The following ADA variants were observed in gnomAD, a reference collection of about 807,000 sequenced individuals.
The protein encoded by ADA is adenosine aminohydrolase.
A neutral mutation model predicts 49.0 loss-of-function variants in ADA; 45 were observed. The ratio of observed to expected loss-of-function variants is 0.92; its 90% CI spans 0.72 to 1.18. The LOEUF (loss-of-function observed/expected upper bound fraction) is 1.18, where lower values mean the gene tolerates loss of function less well. Among genes scored for constraint, ADA ranks in the 50% most tolerant of loss-of-function variants. The pLI is 0.00. For missense variants in ADA, 445 were observed against 472.5 expected, an observed-to-expected ratio of 0.94 and a Z score of 0.54; for synonymous variants, 173 against 184.2, an observed-to-expected ratio of 0.94 and a Z score of 0.49.
At chr20:44,634,358 A>G (rs974367627) in intron 2 of ADA, among the ~76,000 whole-genome samples, 1 of 152,212 alleles carries the variant, frequency 6.6e-6, no homozygotes, top group Non-Finnish European at 1.5e-5. Flanking sequence ...GGAGCACATT[A>G]ATGTGTGCTA....
At position 44,626,444 on chromosome 20, in the gene ADA, C is replaced by T. The variant is rs1192108000; in HGVS notation, c.362+12G>A. On this transcript the variant is annotated intron_variant, in intron 4 of 11. Transcript: ENST00000372874. Reference sequence around the variant, plus strand: ...CACCCTCAGCATGGCCCCTTCCAGGCCCATCACTCACTCAGCCTGGTTCCA... The same window carrying T: ...CACCCTCAGCATGGCCCCTTCCAGGTCCATCACTCACTCAGCCTGGTTCCA... 2 of 1,613,384 alleles carry T rather than the reference C, an allele frequency of 1.2e-6. No homozygotes were observed. Among genetic ancestry groups the T allele is most frequent in the Admixed American group, 3.3e-5 (2 of 60,004 alleles).
At chr20:44,645,670 T>C (rs941168103) in intron 1 of ADA, among the ~76,000 whole-genome samples, 1 of 152,192 alleles carries the variant, frequency 6.6e-6, no homozygotes, top group African/African-American at 2.4e-5. Flanking sequence ...TGCTGACCAA[T>C]GGCAGCTATT....
intron 6 of ADA, 91 bp downstream of exon 6, chr20:44,624,111 A>G (rs2065359320): frequency 1.3e-6 from 2 of 1,518,156 alleles, no homozygotes; most frequent in South Asian, 1.2e-5. Context: ...AGGAGACACC[A>G]TGGTCCCTGG....
Position 44,626,531 on chromosome 20 carries a change from A to C in ADA, c.287T>G (p.Val96Gly). ...FVEMKAKEGV[V>G]YVEVRYSPHL... is the part of the protein sequence containing the mutation. ...CGGACTGTACCGCACCTCCACATAC[A>C]CCACGCCCTCTTTGGCCTTCATCTC... Residue 96 changes from valine to glycine, a missense_variant, in exon 4 of 12, where the codon GTG becomes GGG. Coordinates refer to ENST00000372874, the MANE Select transcript of ADA (RefSeq NM_000022.4). 6.2e-7 allele frequency: 1 copy of C among 1,614,022 alleles called. No homozygotes were observed. The highest frequency in any genetic ancestry group is 8.5e-7 in the Non-Finnish European group (1 of 1,179,994).
chr20:44,650,412 ATTTCT>A (rs997263274), intron 1 of ADA, among the ~76,000 whole-genome samples: 2 of 150,960 alleles, frequency 1.3e-5, no homozygotes, highest in South Asian at 2.1e-4. Flanking sequence ...ATTCACACCT[ATTTCT>A]TTTCTTTTCT....
At position 44,650,336 on chromosome 20, in the gene ADA, C is replaced by T. The variant is rs550266744; in HGVS notation, c.33+1239G>A. On this transcript the variant is annotated intron_variant, in intron 1 of 11. Coordinates refer to ENST00000372874, the MANE Select transcript of ADA (RefSeq NM_000022.4). ...GGTAGGTGGGCTCTCCACAGCCTGTCTCCCTCACTGACACATGCACACTCA... is the reference window on the plus strand; with the variant it reads ...GGTAGGTGGGCTCTCCACAGCCTGTTTCCCTCACTGACACATGCACACTCA... 1.6e-4 allele frequency among the ~76,000 whole-genome samples: 24 copies of T among 152,366 alleles called. No individual in the cohort carries two copies. The South Asian group carries it at 4.8e-3, about 30-fold the overall frequency.
At chr20:44,620,120 T>A (rs1394806075) in intron 11 of ADA, among the ~76,000 whole-genome samples, 179 bp downstream of exon 11, 1 of 152,148 alleles carries the variant, frequency 6.6e-6, no homozygotes, top group Admixed American at 6.5e-5. Context: ...TCAAGAACTT[T>A]TATAGAAAAC....
intron 1 of ADA, among the ~76,000 whole-genome samples, chr20:44,642,788 G>A (rs1047554765): frequency 1.3e-5 from 2 of 152,180 alleles, no homozygotes; most frequent in East Asian, 1.9e-4. Context: ...AATAACATGC[G>A]GGAAGTACTC....
intron 2 of ADA, among the ~76,000 whole-genome samples, chr20:44,630,768 A>G (rs1455908156): frequency 1.3e-5 from 2 of 152,216 alleles, no homozygotes; most frequent in Non-Finnish European, 2.9e-5. Context: ...CATACCTGTA[A>G]TCACAGTACT....
chr20:44,621,770 C>T (rs539548228), intron 9 of ADA, among the ~76,000 whole-genome samples: 253 of 152,242 alleles, frequency 1.7e-3, no homozygotes, highest in African/African-American at 5.6e-3. Flanking sequence ...GGGTTCTATC[C>T]TAGGCCCTTC....
chr20:44,651,046 G>A (rs553825023), intron 1 of ADA, among the ~76,000 whole-genome samples: 4 of 152,176 alleles, frequency 2.6e-5, no homozygotes, highest in Non-Finnish European at 4.4e-5. Flanking sequence ...GCGGGGGAAG[G>A]GGGGTGCTCT....
At chr20:44,628,151 C>A (rs192330692) in intron 3 of ADA, among the ~76,000 whole-genome samples, 1 of 152,228 alleles carries the variant, frequency 6.6e-6, no homozygotes, top group African/African-American at 2.4e-5. Context: ...GAGAGCCCAG[C>A]GTGGGAAGAA....
chr20:44,626,374 C>T, intron 4 of ADA, 82 bp downstream of exon 4: 1 of 1,599,338 alleles, frequency 6.3e-7, no homozygotes, highest in Non-Finnish European at 8.5e-7. Flanking sequence ...GTCAGGGATT[C>T]CCAGCAGTTC....
intron 9 of ADA, 152 bp from the exon 10 acceptor site, chr20:44,621,299 A>G (rs1205840958): frequency 9.4e-7 from 1 of 1,062,946 alleles, no homozygotes; most frequent in Non-Finnish European, 1.4e-6. Flanking sequence ...ATAAATTCAG[A>G]ACTTAGGTGA....
chr20:44,625,182 G>T (rs767616450), intron 5 of ADA, among the ~76,000 whole-genome samples: 25 of 152,174 alleles, frequency 1.6e-4, no homozygotes, highest in Non-Finnish European at 2.9e-4. Flanking sequence ...AGTGACAAGG[G>T]AGACCCCTCA....
chr20:44,627,772 G>A (rs967318874), intron 3 of ADA, among the ~76,000 whole-genome samples: 16 of 152,326 alleles, frequency 1.1e-4, no homozygotes, highest in African/African-American at 3.6e-4. Flanking sequence ...CAAGTCCAGA[G>A]GGATGCCTGG....
chr20:44,624,463 A>C, intron 5 of ADA, 134 bp from the exon 6 acceptor site: 1 of 1,215,984 alleles, frequency 8.2e-7, no homozygotes, highest in Non-Finnish European at 1.2e-6. Context: ...TCAAATCCTA[A>C]CTGCTATGTC....
chr20:44,622,591 A>G lies in ADA; in HGVS notation c.842T>C (p.Ile281Thr). 1 of 1,614,224 alleles carries G rather than the reference A, an allele frequency of 6.2e-7. No individual in the cohort carries two copies. The highest frequency in any genetic ancestry group is 2.2e-5 in the East Asian group (1 of 44,882). ...AWKPDTEHAV[I>T]RLKNDQANYS... ...GGCCCAGGGGAACAGAGCTCACCGAATGACTGCATGCTCCGTGTCCGGCTT... is the reference window on the plus strand; with the variant it reads ...GGCCCAGGGGAACAGAGCTCACCGAGTGACTGCATGCTCCGTGTCCGGCTT... Residue 281 changes from isoleucine to threonine, a missense_variant, in exon 9 of 12, where the codon ATT (isoleucine) becomes ACT (threonine). Coordinates refer to ENST00000372874, the MANE Select transcript of ADA (RefSeq NM_000022.4).
At chr20:44,639,863 G>T (rs1042857111) in intron 1 of ADA, among the ~76,000 whole-genome samples, 1 of 152,062 alleles carries the variant, frequency 6.6e-6, no homozygotes, top group Non-Finnish European at 1.5e-5. Context: ...CTCACCTAGG[G>T]AGAAAATATC....
Sources: allele counts gnomAD v4.1 joint callset (sites outside exome capture counted in the v4.1 genomes callset), GRCh38; gene constraint gnomAD v4.1.1; transcripts MANE v1.5; gene names NCBI Gene and HGNC (gene_info 2026-07-23, HGNC 2026-07-21).